ILDR2: variants seen among roughly 807,000 people sequenced by gnomAD.
ILDR2 encodes immunoglobulin like domain containing receptor 2, also known as immunoglobulin-like domain-containing receptor 2.
ILDR2 carries 25 observed loss-of-function variants against 66.8 expected under a neutral mutation model. That is an observed-to-expected ratio of 0.37 (90% CI 0.27 to 0.52). The LOEUF (loss-of-function observed/expected upper bound fraction) is 0.52, where lower values mean the gene tolerates loss of function less well. Ranked by LOEUF, ILDR2 falls within the 20% of genes least tolerant of loss-of-function variation. The probability of loss-of-function intolerance (pLI) is 0.88; values close to 1 mark genes in which losing one functional copy is unlikely to be tolerated. For synonymous variants in ILDR2, 367 were observed against 357.2 expected, an observed-to-expected ratio of 1.03 and a Z score of -0.31; for missense variants, 827 against 876.8, an observed-to-expected ratio of 0.94 and a Z score of 0.72.
chr1:166,962,859 C>G (rs796499150), intron 1 of ILDR2, among the ~76,000 whole-genome samples: 5 of 152,304 alleles, frequency 3.3e-5, no homozygotes, highest in African/African-American at 1.2e-4. Flanking sequence ...TTTTCAGCCT[C>G]TTTGTAGTGA....
chr1:166,935,921 C>T (rs965410046), intron 5 of ILDR2, among the ~76,000 whole-genome samples: 4 of 152,196 alleles, frequency 2.6e-5, no homozygotes, highest in Admixed American at 1.3e-4. Flanking sequence ...GGTCCTTGCT[C>T]TGTGATTTCA....
At chr1:166,927,028 GCATAATGCA>G in intron 7 of ILDR2, 30 bp downstream of exon 7, 1 of 1,439,834 alleles carries the variant, frequency 6.9e-7, no homozygotes, top group South Asian at 1.2e-5. Context: ...ACTAACTCCT[GCATAATGCA>G]CAGATCACAG....
rs552096369 is a variant in ILDR2, at chr1:166,903,080, C to T, written n.171+3973G>A. On this transcript the variant is annotated intron_variant and non_coding_transcript_variant, in intron 2 of 2. Coordinates refer to the ILDR2 transcript ENST00000414590. ...CAACTGTTCTCACTTCTTCCACTCTCGTCTTCCTGTAATCTGTTCTCCATA... is the reference window on the plus strand; with the variant it reads ...CAACTGTTCTCACTTCTTCCACTCTTGTCTTCCTGTAATCTGTTCTCCATA... Among the ~76,000 whole-genome samples, 5 of 152,328 alleles carry T rather than the reference C, an allele frequency of 3.3e-5. No homozygotes were observed. In the South Asian group the frequency reaches 8.3e-4, roughly 25 times the overall value.
intron 2 of ILDR2, 126 bp from the exon 3 acceptor site, chr1:166,956,978 ATGG>A: frequency 1.1e-6 from 1 of 938,322 alleles, no homozygotes; most frequent in East Asian, 2.7e-5. Context: ...CTTTATCTGG[ATGG>A]TGGTTGAAAG....
chr1:166,944,686 G>T (rs1661512768), intron 3 of ILDR2, among the ~76,000 whole-genome samples: 1 of 152,062 alleles, frequency 6.6e-6, no homozygotes, highest in Non-Finnish European at 1.5e-5. Context: ...TACTTTCTTT[G>T]CTCAGATAAG....
chr1:166,975,103 C>A, intron 1 of ILDR2, 120 bp downstream of exon 1: 1 of 798,710 alleles, frequency 1.3e-6, no homozygotes, highest in South Asian at 1.6e-5. Flanking sequence ...TCCACCAGAC[C>A]GCTAAGCAGC....
chr1:166,967,303 T>C (rs1663015366), intron 1 of ILDR2, among the ~76,000 whole-genome samples: 1 of 152,204 alleles, frequency 6.6e-6, no homozygotes, highest in Non-Finnish European at 1.5e-5. Context: ...ATTTGGACTC[T>C]TACAGGAGAG....
At chr1:166,967,573 A>G (rs568526518) in intron 1 of ILDR2, among the ~76,000 whole-genome samples, 2 of 152,308 alleles carry the variant, frequency 1.3e-5, no homozygotes, top group East Asian at 3.9e-4. Flanking sequence ...CCTGGCCAAC[A>G]TGGCGAAACC....
chr1:166,943,953 A>C (rs1222232257), intron 3 of ILDR2: 3 of 588,846 alleles, frequency 5.1e-6, no homozygotes. Flanking sequence ...AAGCGCTCAA[A>C]CAGTTTTCCC....
chr1:166,960,151 T>G (rs1662525339), intron 1 of ILDR2, among the ~76,000 whole-genome samples: 1 of 152,244 alleles, frequency 6.6e-6, no homozygotes, highest in South Asian at 2.1e-4. Context: ...AATGAAAAAG[T>G]AGGTCCTAAT....
intron 1 of ILDR2, among the ~76,000 whole-genome samples, chr1:166,962,053 TG>T (rs1022464530): frequency 6.6e-6 from 1 of 152,214 alleles, no homozygotes; most frequent in Non-Finnish European, 1.5e-5. Context: ...GTGAGTTTAT[TG>T]GATCTTTGAG....
In ILDR2 at chr1:166,919,504, T is replaced by C. The variant is rs1659774471; in HGVS notation, c.1885-114A>G. ...CAACCCGTTCAGTGCCAGGCACCCC[T>C]GATTCTCAGAACCTTTCATTAGACC... On this transcript the variant is annotated intron_variant, in intron 9 of 9. Transcript: ENST00000271417. 1.4e-5 allele frequency: 12 copies of C among 886,022 alleles called. No homozygotes were observed. In the South Asian group the frequency reaches 2.2e-4, roughly 16 times the overall value. The allele number at this position is 886,022 out of a possible 1,614,324, so 54.9% of individuals were successfully genotyped here.
chr1:166,913,076 C>T lies in ILDR2; in HGVS notation c.*6279G>A, dbSNP rs1659505374. Reference sequence around the variant, plus strand: ...CCTCTGTAACCCCACAATATGTATTCCTCTATTACTGTACTTACAACAATC... The same window carrying T: ...CCTCTGTAACCCCACAATATGTATTTCTCTATTACTGTACTTACAACAATC... On this transcript the variant is annotated 3_prime_UTR_variant, in exon 10 of 10. Transcript: ENST00000271417. The T allele has an allele frequency of 6.6e-6, 1 of 152,170 alleles. No homozygotes were observed. The highest frequency in any genetic ancestry group is 2.1e-4 in the South Asian group (1 of 4,832). The allele number at this position is 152,170 out of a possible 1,614,324, so 9.4% of individuals were successfully genotyped here.
intron 6 of ILDR2, among the ~76,000 whole-genome samples, chr1:166,934,947 C>T (rs1015479719): frequency 6.6e-6 from 1 of 152,198 alleles, no homozygotes; most frequent in Admixed American, 6.5e-5. Context: ...GTCAGAGAAA[C>T]CATGTCCTAC....
intron 7 of ILDR2, among the ~76,000 whole-genome samples, chr1:166,925,923 C>G (rs1571116098): frequency 6.6e-6 from 1 of 152,342 alleles, no homozygotes; most frequent in East Asian, 1.9e-4. Flanking sequence ...CCCTGACTCA[C>G]TCTGTCTCTG....
At chr1:166,920,159 T>C (rs1245226906) in intron 9 of ILDR2, among the ~76,000 whole-genome samples, 1 of 152,120 alleles carries the variant, frequency 6.6e-6, no homozygotes, top group Non-Finnish European at 1.5e-5. Flanking sequence ...CACAATGCAG[T>C]TTACACTCAA....
intron 2 of ILDR2, among the ~76,000 whole-genome samples, chr1:166,901,053 C>T (rs1659256075): frequency 6.6e-6 from 1 of 152,120 alleles, no homozygotes; most frequent in Non-Finnish European, 1.5e-5. Flanking sequence ...AAGCAAAGCC[C>T]CAATAGCTTT....
intron 2 of ILDR2, among the ~76,000 whole-genome samples, chr1:166,897,308 T>C (rs1328087984): frequency 1.3e-5 from 2 of 152,170 alleles, no homozygotes; most frequent in Non-Finnish European, 1.5e-5. Flanking sequence ...GTGTGTTGTA[T>C]ATTAAATAAT....
chr1:166,948,181 C>T (rs922045211), intron 3 of ILDR2, among the ~76,000 whole-genome samples: 5 of 152,042 alleles, frequency 3.3e-5, no homozygotes, highest in African/African-American at 1.2e-4. Flanking sequence ...CTAATTTCCC[C>T]CCCAACCCTC....
Sources: gnomAD v4.1 joint callset for allele counts (sites outside exome capture counted in the v4.1 genomes callset) on GRCh38, gnomAD v4.1.1 for gene constraint, MANE v1.5 for transcripts, NCBI Gene and HGNC (gene_info 2026-07-23, HGNC 2026-07-21) for gene names.